Variants in ANXA4 observed in about 807,000 individuals in gnomAD.
The protein encoded by ANXA4 is 35-beta calcimedin.
ANXA4 carries 39 observed loss-of-function variants against 49.8 expected under a neutral mutation model. The ratio of observed to expected loss-of-function variants is 0.78; its 90% CI spans 0.61 to 1.02. The LOEUF (loss-of-function observed/expected upper bound fraction) is 1.02. Ranked by LOEUF, ANXA4 falls within the 50% of genes least tolerant of loss-of-function variation. ANXA4 has a pLI of 0.00. For synonymous variants in ANXA4, 134 were observed against 152.5 expected (o/e 0.88, Z 0.89); for missense variants, 360 against 410.1 (o/e 0.88, Z 1.05).
chr2:69,790,163 A>G (rs916931157), intron 3 of ANXA4, among the ~76,000 whole-genome samples: 3 of 152,112 alleles, frequency 2.0e-5, no homozygotes, highest in Non-Finnish European at 4.4e-5. Context: ...TGTTAAAAGG[A>G]AAGTTTTCTG....
intron 12 of ANXA4, among the ~76,000 whole-genome samples, chr2:69,822,730 A>G (rs1242094974): frequency 6.6e-6 from 1 of 152,228 alleles, no homozygotes; most frequent in East Asian, 1.9e-4. Context: ...TAGGGACAGA[A>G]AGTAGATTAG....
At position 69,673,687 on chromosome 2, in the gene ANXA4, GACACACACACACAC is replaced by G. The variant is rs72114703; in HGVS notation, n.766+20433_766+20446del. ...AAAGAAAAGAAACATTTTTTTCAAA[GACACACACACACAC>G]ACACACACACACACACACACACACA... On this transcript the variant is annotated intron_variant and non_coding_transcript_variant, in intron 2 of 3. Transcript: ENST00000418066. 2.1e-3 allele frequency among the ~76,000 whole-genome samples: 289 copies of G among 139,220 alleles called. 1 individual carries two copies. The highest frequency in any genetic ancestry group is 2.9e-3 in the Non-Finnish European group (183 of 64,100). 91.3% of individuals were successfully genotyped at this position (139,220 alleles called of 152,430 possible). A position where few individuals can be genotyped will look rare whatever the true frequency, so the allele number is the denominator to read the frequency against.
intron 2 of ANXA4, among the ~76,000 whole-genome samples, chr2:69,659,996 G>A (rs1442276374): frequency 6.6e-6 from 1 of 152,068 alleles, no homozygotes; most frequent in Non-Finnish European, 1.5e-5. Context: ...CTCAAAGAGT[G>A]GCACCCTCAG....
intron 2 of ANXA4, among the ~76,000 whole-genome samples, chr2:69,691,694 A>C (rs1006976604): frequency 1.3e-5 from 2 of 152,120 alleles, no homozygotes; most frequent in Non-Finnish European, 2.9e-5. Flanking sequence ...CAATTAGAAA[A>C]GGCCTGGGAC....
intron 1 of ANXA4, among the ~76,000 whole-genome samples, chr2:69,753,165 A>G (rs971522247): frequency 1.3e-5 from 2 of 152,228 alleles, no homozygotes; most frequent in African/African-American, 4.8e-5. Flanking sequence ...GAGCAAGATC[A>G]TGTCTCCTCC....
chr2:69,802,230 G>T (rs973347981), intron 3 of ANXA4, among the ~76,000 whole-genome samples: 1 of 152,206 alleles, frequency 6.6e-6, no homozygotes, highest in Non-Finnish European at 1.5e-5. Flanking sequence ...AAGACTCTGG[G>T]AAGACCAACC....
At chr2:69,748,219 T>C (rs1670696018) in intron 1 of ANXA4, among the ~76,000 whole-genome samples, 1 of 151,166 alleles carries the variant, frequency 6.6e-6, no homozygotes, top group South Asian at 2.1e-4. Flanking sequence ...ACTAAAAAAA[T>C]ACAAAAAAAA....
At position 69,818,456 on chromosome 2, in the gene ANXA4, T is replaced by C. The variant is rs191505569; in HGVS notation, c.629-143T>C. 3,212 of 486,258 alleles carry C rather than the reference T, an allele frequency of 6.6e-3. 81 individuals carry two copies. The highest frequency in any genetic ancestry group is 2.6e-3 in the Non-Finnish European group (700 of 268,904). 30.1% of individuals were successfully genotyped at this position (486,258 alleles called of 1,614,324 possible). A position where few individuals can be genotyped will look rare whatever the true frequency, so the allele number is the denominator to read the frequency against. ...CACTCTGCACATCCCTCCTGGCTGC[T>C]TGCCCACATTACTAATTAGTTTCCT... On this transcript the variant is annotated intron_variant, in intron 9 of 12. Transcript: ENST00000394295.
At chr2:69,729,118 A>G (rs1240516846) in intron 3 of ANXA4, among the ~76,000 whole-genome samples, 2 of 152,180 alleles carry the variant, frequency 1.3e-5, no homozygotes, top group East Asian at 1.9e-4. Context: ...GGTTCAAGCA[A>G]TTCTCGTGCC....
intron 1 of ANXA4, among the ~76,000 whole-genome samples, chr2:69,767,695 C>T (rs1671549209): frequency 6.6e-6 from 1 of 152,190 alleles, no homozygotes; most frequent in South Asian, 2.1e-4. Flanking sequence ...GGCCATCTGT[C>T]TGCCCGTCAA....
intron 7 of ANXA4, 103 bp from the exon 8 acceptor site, chr2:69,812,550 T>G (rs1213047855): frequency 2.2e-6 from 2 of 909,074 alleles, no homozygotes; most frequent in Non-Finnish European, 3.4e-6. Context: ...CTCCAATTCT[T>G]GTGGTATTTT....
Position 69,656,323 on chromosome 2 carries a change from GTA to G in ANXA4, n.766+3049_766+3050del, listed in dbSNP as rs1252981532. 5.3e-3 allele frequency among the ~76,000 whole-genome samples: 457 copies of G among 85,594 alleles called. 23 individuals carry two copies. Among genetic ancestry groups the G allele is most frequent in the African/African-American group, 0.017 (260 of 15,218 alleles). The allele number at this position is 85,594 out of a possible 152,430, so 56.2% of individuals were successfully genotyped here. On this transcript the variant is annotated intron_variant and non_coding_transcript_variant, in intron 2 of 3. Coordinates refer to the ANXA4 transcript ENST00000418066. ...TATATATGTATATATGTATATATATGTATATATATGTGTATATATATGTGTAT... is the reference window on the plus strand; with the variant it reads ...TATATATGTATATATGTATATATATGTATATATGTGTATATATATGTGTAT...
intron 1 of ANXA4, among the ~76,000 whole-genome samples, chr2:69,769,747 T>C (rs1384413422): frequency 6.6e-6 from 1 of 152,182 alleles, no homozygotes; most frequent in African/African-American, 2.4e-5. Context: ...CACTGCAGCC[T>C]CTGCCTCCAG....
At chr2:69,687,466 C>G (rs916481233) in intron 2 of ANXA4, among the ~76,000 whole-genome samples, 1 of 151,804 alleles carries the variant, frequency 6.6e-6, no homozygotes, top group African/African-American at 2.4e-5. Flanking sequence ...TGGGATCACT[C>G]CACTGCACTT....
At chr2:69,763,860 G>A (rs373441737) in intron 1 of ANXA4, among the ~76,000 whole-genome samples, 10 of 151,896 alleles carry the variant, frequency 6.6e-5, no homozygotes, top group East Asian at 3.9e-4. Context: ...ATGGGGTTTC[G>A]CCATGTTGGT....
chr2:69,756,987 G>T (rs1573201953), intron 1 of ANXA4, among the ~76,000 whole-genome samples: 1 of 148,418 alleles, frequency 6.7e-6, no homozygotes, highest in East Asian at 2.0e-4. Context: ...GCGTGCAGTG[G>T]ACCATCTCGG....
chr2:69,782,358 T>C (rs969812705), intron 2 of ANXA4, among the ~76,000 whole-genome samples: 1 of 152,186 alleles, frequency 6.6e-6, no homozygotes, highest in African/African-American at 2.4e-5. Context: ...AGTAATATAC[T>C]CTTAATTTCT....
At chr2:69,705,488 C>G (rs894124780) in intron 2 of ANXA4, among the ~76,000 whole-genome samples, 2 of 152,190 alleles carry the variant, frequency 1.3e-5, no homozygotes, top group Non-Finnish European at 2.9e-5. Context: ...CCAGTTCACC[C>G]TAAAGTGTAA....
intron 3 of ANXA4, among the ~76,000 whole-genome samples, chr2:69,802,817 C>A (rs1004120166): frequency 1.3e-5 from 2 of 151,950 alleles, no homozygotes; most frequent in African/African-American, 2.4e-5. Flanking sequence ...AGGTAATGAA[C>A]CCTCTCTGCC....
Sources: gnomAD v4.1 joint callset for allele counts (sites outside exome capture counted in the v4.1 genomes callset) on GRCh38, gnomAD v4.1.1 for gene constraint, MANE v1.5 for transcripts, NCBI Gene and HGNC (gene_info 2026-07-23, HGNC 2026-07-21) for gene names.